Variants in SYT1 observed in about 807,000 individuals in gnomAD.
SYT1 encodes synaptotagmin-1.
SYT1 carries 8 observed loss-of-function variants against 44.8 expected under a neutral mutation model. The ratio of observed to expected loss-of-function variants is 0.18; its 90% CI spans 0.10 to 0.32. SYT1 has a LOEUF of 0.32. Among genes scored for constraint, SYT1 ranks in the 10% least tolerant of loss-of-function variants. The pLI, the probability that SYT1 is intolerant of heterozygous loss-of-function variation, is 1.00. For synonymous variants in SYT1, 154 were observed against 188.8 expected, an observed-to-expected ratio of 0.82 and a Z score of 1.51; for missense variants, 286 against 509.3, an observed-to-expected ratio of 0.56 and a Z score of 4.22.
intron 3 of SYT1, among the ~76,000 whole-genome samples, chr12:79,074,464 T>G (rs1265415553): frequency 6.6e-6 from 1 of 152,166 alleles, no homozygotes; most frequent in Non-Finnish European, 1.5e-5. Context: ...AACTAGTCTC[T>G]AGAAGCCTGG....
intron 4 of SYT1, among the ~76,000 whole-genome samples, chr12:79,266,207 G>A (rs1878118394): frequency 6.6e-6 from 1 of 152,182 alleles, no homozygotes; most frequent in Non-Finnish European, 1.5e-5. Context: ...AAGGAAGAAA[G>A]CAGTATCCCT....
At chr12:79,340,476 G>C (rs1882316717) in intron 8 of SYT1, among the ~76,000 whole-genome samples, 3 of 152,106 alleles carry the variant, frequency 2.0e-5, no homozygotes, top group Admixed American at 1.3e-4. Context: ...CTGTTTGTCT[G>C]TTATTGGTGT....
intron 3 of SYT1, among the ~76,000 whole-genome samples, chr12:79,100,622 A>C (rs1326813887): frequency 6.6e-6 from 1 of 152,182 alleles, no homozygotes; most frequent in Non-Finnish European, 1.5e-5. Context: ...GGTGGCAGTA[A>C]TTTACTGTGT....
At chr12:79,199,200 T>G (rs370104762) in intron 3 of SYT1, among the ~76,000 whole-genome samples, 3 of 152,262 alleles carry the variant, frequency 2.0e-5, no homozygotes, top group South Asian at 4.1e-4. Flanking sequence ...ACCAATTCAA[T>G]TCAATTCAGT....
chr12:79,145,018 T>C (rs1029316681), intron 3 of SYT1, among the ~76,000 whole-genome samples: 4 of 152,194 alleles, frequency 2.6e-5, no homozygotes, highest in African/African-American at 9.7e-5. Context: ...ATTAGCAACT[T>C]TCTAAGCTTC....
At chr12:79,217,767 T>C (rs1874905777) in intron 4 of SYT1, 82 bp downstream of exon 4, 2 of 1,126,468 alleles carry the variant, frequency 1.8e-6, no homozygotes, top group African/African-American at 1.6e-5. Flanking sequence ...AGAACTCCGT[T>C]TGATATACTA....
intron 2 of SYT1, among the ~76,000 whole-genome samples, chr12:79,037,407 G>A (rs986745917): frequency 6.6e-6 from 1 of 151,500 alleles, no homozygotes; most frequent in African/African-American, 2.4e-5. Flanking sequence ...AACCCAGTAT[G>A]TGATTATTGT....
At chr12:79,095,853 A>G (rs1592744954) in intron 3 of SYT1, among the ~76,000 whole-genome samples, 3 of 152,032 alleles carry the variant, frequency 2.0e-5, no homozygotes, top group East Asian at 3.9e-4. Flanking sequence ...TATAAAACCA[A>G]CTGACAAGAG....
rs542777838 is a variant in SYT1, at chr12:79,075,253, C to T, written c.-18+27891C>T. ...CTCTTGAATTTCATAGTGAATTTCTCTTTTTGGTCTGTGGGCCTACTCTCC... is the reference window on the plus strand; with the variant it reads ...CTCTTGAATTTCATAGTGAATTTCTTTTTTTGGTCTGTGGGCCTACTCTCC... On this transcript the variant is annotated intron_variant, in intron 3 of 10. Coordinates refer to ENST00000261205, the MANE Select transcript of SYT1 (RefSeq NM_005639.3). 4.2e-4 allele frequency among the ~76,000 whole-genome samples: 64 copies of T among 152,252 alleles called. 1 individual carries two copies. The highest frequency in any genetic ancestry group is 3.3e-3 in the Admixed American group (51 of 15,282).
At chr12:79,328,582 C>A (rs1456599836) in intron 8 of SYT1, among the ~76,000 whole-genome samples, 1 of 152,196 alleles carries the variant, frequency 6.6e-6, no homozygotes, top group Non-Finnish European at 1.5e-5. Flanking sequence ...TGCGGTGGCT[C>A]ACGCCTGTAA....
At chr12:78,960,333 T>C (rs1002347644) in intron 1 of SYT1, 11 of 152,202 alleles carry the variant, frequency 7.2e-5, no homozygotes, top group Non-Finnish European at 1.6e-4. Context: ...TCTGGCAATA[T>C]AGTGACCTGC....
chr12:79,375,843 T>G (rs1201006299), intron 9 of SYT1, among the ~76,000 whole-genome samples: 3 of 151,902 alleles, frequency 2.0e-5, no homozygotes, highest in Non-Finnish European at 4.4e-5. Context: ...AAGTACCTGA[T>G]GAATAAATGG....
At chr12:79,133,710 C>CA (rs1040865189) in intron 3 of SYT1, among the ~76,000 whole-genome samples, 58 of 151,744 alleles carry the variant, frequency 3.8e-4, no homozygotes, top group African/African-American at 1.4e-3. Flanking sequence ...GGTACAAGTA[C>CA]AAAAAAAATT....
intron 3 of SYT1, among the ~76,000 whole-genome samples, chr12:79,141,093 G>A (rs763102337): frequency 5.9e-5 from 9 of 152,162 alleles, no homozygotes; most frequent in Non-Finnish European, 1.3e-4. Context: ...AAGCATGTAT[G>A]CCATCTGTTT....
At chr12:79,029,355 C>T (rs1392172982) in intron 2 of SYT1, among the ~76,000 whole-genome samples, 1 of 134,394 alleles carries the variant, frequency 7.4e-6, no homozygotes, top group Non-Finnish European at 1.6e-5. Flanking sequence ...TTGTACAAAT[C>T]AGTAAAAAAA....
chr12:78,971,433 G>A (rs1419639557), intron 1 of SYT1, among the ~76,000 whole-genome samples: 9 of 152,114 alleles, frequency 5.9e-5, no homozygotes, highest in Non-Finnish European at 2.9e-5. Flanking sequence ...TCTGTGTTGA[G>A]ATTTTAGAAA....
intron 3 of SYT1, among the ~76,000 whole-genome samples, chr12:79,209,422 C>G (rs553322655): frequency 1.3e-5 from 2 of 152,248 alleles, no homozygotes; most frequent in East Asian, 3.9e-4. Context: ...GAAATGTTCT[C>G]CATGTAAGAA....
intron 10 of SYT1, among the ~76,000 whole-genome samples, chr12:79,445,423 G>A (rs1870654042): frequency 6.6e-6 from 1 of 151,988 alleles, no homozygotes; most frequent in African/African-American, 2.4e-5. Flanking sequence ...CTATGTAGCT[G>A]TGATTTTATA....
intron 3 of SYT1, among the ~76,000 whole-genome samples, chr12:79,112,265 A>G (rs564846154): frequency 6.6e-6 from 1 of 152,256 alleles, no homozygotes; most frequent in Non-Finnish European, 1.5e-5. Context: ...TTACTTTTAG[A>G]AGACAAATAT....
Sources: gnomAD v4.1 joint callset for allele counts (sites outside exome capture counted in the v4.1 genomes callset) on GRCh38, gnomAD v4.1.1 for gene constraint, MANE v1.5 for transcripts, NCBI Gene and HGNC (gene_info 2026-07-23, HGNC 2026-07-21) for gene names.